Variants in SOX5 observed in about 807,000 individuals in gnomAD.
SOX5 encodes transcription factor SOX-5.
Under a neutral mutation model 92.0 loss-of-function variants are expected in SOX5, and 9 were observed. The ratio of observed to expected loss-of-function variants is 0.10; its 90% CI spans 0.06 to 0.17. SOX5 has a LOEUF of 0.17. Ranked by LOEUF, SOX5 falls within the 10% of genes least tolerant of loss-of-function variation. The probability of loss-of-function intolerance (pLI) is 1.00; values close to 1 mark genes in which losing one functional copy is unlikely to be tolerated. For synonymous variants in SOX5, 344 were observed against 336.3 expected, an observed-to-expected ratio of 1.02 and a Z score of -0.25; for missense variants, 642 against 944.5, an observed-to-expected ratio of 0.68 and a Z score of 4.20.
At chr12:23,891,505 C>G (rs1342504599) in intron 2 of SOX5, among the ~76,000 whole-genome samples, 3 of 152,160 alleles carry the variant, frequency 2.0e-5, no homozygotes, top group Non-Finnish European at 4.4e-5. Context: ...TTGTCTCTAA[C>G]CTATTCAGGC....
At chr12:23,898,065 C>A (rs141804840) in intron 1 of SOX5, among the ~76,000 whole-genome samples, 3 of 152,236 alleles carry the variant, frequency 2.0e-5, no homozygotes, top group Middle Eastern at 3.4e-3. Flanking sequence ...AACATAATAA[C>A]CCATGACACT....
chr12:24,195,710 A>AT (rs1306689092), intron 4 of SOX5, among the ~76,000 whole-genome samples: 1 of 152,206 alleles, frequency 6.6e-6, no homozygotes, highest in African/African-American at 2.4e-5. Flanking sequence ...TTTGAGAAGA[A>AT]TATACAGAAT....
intron 2 of SOX5, among the ~76,000 whole-genome samples, chr12:23,869,126 G>A (rs1254824768): frequency 6.6e-6 from 1 of 152,084 alleles, no homozygotes; most frequent in Non-Finnish European, 1.5e-5. Context: ...ATGACATGAT[G>A]AATATAAATA....
At chr12:23,607,695 C>T (rs1410823588) in intron 8 of SOX5, among the ~76,000 whole-genome samples, 4 of 151,994 alleles carry the variant, frequency 2.6e-5, no homozygotes, top group African/African-American at 7.2e-5. Context: ...ATTGGTTGAC[C>T]TTGTAGATGG....
chr12:24,049,602 A>T (rs1252409456), intron 4 of SOX5, among the ~76,000 whole-genome samples: 1 of 147,472 alleles, frequency 6.8e-6, no homozygotes, highest in Non-Finnish European at 1.5e-5. Context: ...TAATAATCAG[A>T]TATCTCATAA....
At chr12:24,533,364 T>C (rs1273598056) in intron 1 of SOX5, among the ~76,000 whole-genome samples, 1 of 152,224 alleles carries the variant, frequency 6.6e-6, no homozygotes, top group Non-Finnish European at 1.5e-5. Flanking sequence ...GTATTTCTGA[T>C]GATACATGGA....
At chr12:24,210,277 A>G (rs1364687538) in intron 4 of SOX5, among the ~76,000 whole-genome samples, 4 of 152,138 alleles carry the variant, frequency 2.6e-5, no homozygotes, top group Non-Finnish European at 5.9e-5. Context: ...CTGCAGCAAT[A>G]ACAACACTGC....
At chr12:24,248,902 C>T (rs1312984832) in intron 3 of SOX5, among the ~76,000 whole-genome samples, 3 of 152,158 alleles carry the variant, frequency 2.0e-5, no homozygotes, top group South Asian at 2.1e-4. Context: ...AAGATCTTGC[C>T]GTTCAATTGA....
At chr12:23,760,620 C>T (rs559696560) in intron 3 of SOX5, among the ~76,000 whole-genome samples, 3 of 152,172 alleles carry the variant, frequency 2.0e-5, no homozygotes, top group East Asian at 1.9e-4. Flanking sequence ...ATGGCCCCCC[C>T]CAACTGTGCC....
At chr12:24,467,996 T>C (rs1286742622) in intron 1 of SOX5, among the ~76,000 whole-genome samples, 2 of 152,116 alleles carry the variant, frequency 1.3e-5, no homozygotes, top group Admixed American at 6.5e-5. Context: ...GATAACATAA[T>C]TAGAATTTCA....
chr12:24,508,138 G>A (rs1009775781), intron 1 of SOX5, among the ~76,000 whole-genome samples: 3 of 152,156 alleles, frequency 2.0e-5, no homozygotes, highest in Non-Finnish European at 2.9e-5. Flanking sequence ...GGGAAACTAA[G>A]CAAGGGTTTT....
intron 1 of SOX5, among the ~76,000 whole-genome samples, chr12:24,470,961 A>AT (rs1944756948): frequency 1.3e-5 from 2 of 152,308 alleles, no homozygotes; most frequent in Middle Eastern, 3.4e-3. Flanking sequence ...TTATTATTAG[A>AT]TTTTAACTTT....
intron 3 of SOX5, among the ~76,000 whole-genome samples, chr12:23,814,103 A>G (rs896030158): frequency 6.6e-6 from 1 of 152,174 alleles, no homozygotes; most frequent in Non-Finnish European, 1.5e-5. Context: ...CAAAATTCCA[A>G]ATAGAGATTT....
chr12:24,306,828 C>T (rs1948625433), intron 2 of SOX5, among the ~76,000 whole-genome samples: 1 of 152,108 alleles, frequency 6.6e-6, no homozygotes, highest in East Asian at 1.9e-4. Flanking sequence ...TGCCCAAATC[C>T]CAGCTTGAGT....
intron 4 of SOX5, among the ~76,000 whole-genome samples, chr12:24,140,288 T>C (rs571020341): frequency 6.6e-6 from 1 of 152,106 alleles, no homozygotes; most frequent in Non-Finnish European, 1.5e-5. Flanking sequence ...GAGGAAGTGA[T>C]GTTCAGAAAA....
chr12:24,002,058 T>C (rs919913134), intron 4 of SOX5, among the ~76,000 whole-genome samples: 1 of 152,110 alleles, frequency 6.6e-6, no homozygotes, highest in Non-Finnish European at 1.5e-5. Context: ...GCTAAAGTAG[T>C]GCTTTGGGAA....
At chr12:24,111,491 C>T (rs1452226707) in intron 4 of SOX5, among the ~76,000 whole-genome samples, 2 of 152,018 alleles carry the variant, frequency 1.3e-5, no homozygotes, top group Non-Finnish European at 2.9e-5. Context: ...ATTTCAATAC[C>T]TAACAAATTT....
At chr12:23,968,988 A>G (rs1947916262) in intron 4 of SOX5, among the ~76,000 whole-genome samples, 1 of 152,188 alleles carries the variant, frequency 6.6e-6, no homozygotes, top group African/African-American at 2.4e-5. Context: ...TGGATGTCTT[A>G]CAGGCATATC....
At chr12:23,701,307 T>C (rs904749157) in intron 6 of SOX5, among the ~76,000 whole-genome samples, 2 of 152,100 alleles carry the variant, frequency 1.3e-5, no homozygotes, top group African/African-American at 2.4e-5. Context: ...CAAGAAATCA[T>C]ACACAAGCTT....
Sources: gnomAD v4.1 joint callset for allele counts (sites outside exome capture counted in the v4.1 genomes callset) on GRCh38, gnomAD v4.1.1 for gene constraint, MANE v1.5 for transcripts, NCBI Gene and HGNC (gene_info 2026-07-23, HGNC 2026-07-21) for gene names.